SIMC1: variants seen among roughly 807,000 people sequenced by gnomAD.
SIMC1 encodes the protein SUMO interacting motifs containing 1.
In SIMC1, 55 loss-of-function variants were observed where a neutral mutation model predicts 82.3. The ratio of observed to expected loss-of-function variants is 0.67; its 90% confidence interval spans 0.54 to 0.84. SIMC1 has a LOEUF of 0.84. Ranked by LOEUF, SIMC1 falls within the 40% of genes least tolerant of loss-of-function variation. The pLI is 0.00. For missense variants in SIMC1, 915 were observed against 1,107.2 expected, an observed-to-expected ratio of 0.83 and a Z score of 2.46; for synonymous variants, 353 against 426.3, an observed-to-expected ratio of 0.83 and a Z score of 2.12.
At chr5:176,345,117 T>G in intron 9 of SIMC1, 66 bp from the exon 10 acceptor site, 1 of 1,545,412 alleles carries the variant, frequency 6.5e-7, no homozygotes, top group South Asian at 1.3e-5. Flanking sequence ...CCTACCAAAA[T>G]TAGACTTCTT....
At chr5:176,266,431 T>C (rs979783451) in intron 1 of SIMC1, among the ~76,000 whole-genome samples, 4 of 152,108 alleles carry the variant, frequency 2.6e-5, no homozygotes, top group African/African-American at 7.3e-5. Flanking sequence ...CCCCCGCCCC[T>C]GCCTCAAGAG....
intron 1 of SIMC1, among the ~76,000 whole-genome samples, chr5:176,262,664 G>A (rs1762057898): frequency 6.6e-6 from 1 of 152,154 alleles, no homozygotes; most frequent in Non-Finnish European, 1.5e-5. Flanking sequence ...AATCAGCCAG[G>A]CATGGTGGTG....
Position 176,304,795 on chromosome 5 carries a change from G to A in SIMC1, c.1734+8475G>A, listed in dbSNP as rs533882737. On this transcript the variant is annotated intron_variant, in intron 4 of 9. Coordinates refer to ENST00000429602, the MANE Select transcript of SIMC1 (RefSeq NM_001308195.2). Reference sequence around the variant, plus strand: ...TAGGAAGTGAGGAGCGTCTCTGCCCGGCTGCCCATTGTCTGAGATGTGGGG... The same window carrying A: ...TAGGAAGTGAGGAGCGTCTCTGCCCAGCTGCCCATTGTCTGAGATGTGGGG... Among the ~76,000 whole-genome samples the A allele has an allele frequency of 7.4e-3, 1,113 of 151,274 alleles. 16 individuals carry two copies. The highest frequency in any genetic ancestry group is 0.025 in the African/African-American group (1,030 of 41,148).
chr5:176,257,883 A>G (rs1278122218), intron 1 of SIMC1, among the ~76,000 whole-genome samples: 1 of 152,168 alleles, frequency 6.6e-6, no homozygotes, highest in Non-Finnish European at 1.5e-5. Flanking sequence ...TCTACCCGCT[A>G]GATGCCTGCC....
At chr5:176,296,584 G>A in intron 4 of SIMC1, 1 of 477,238 alleles carries the variant, frequency 2.1e-6, no homozygotes, top group Middle Eastern at 6.1e-4. Context: ...CAGGAGGATT[G>A]CTTGAGCCTA....
chr5:176,269,771 C>T lies in SIMC1; in HGVS notation c.130-19883C>T, dbSNP rs543211918. ...CAAATTTTTTTTTTCTGAGAGATGACGCCTCACTCTATTGCCCAGGCTGGA... is the reference window on the plus strand; with the variant it reads ...CAAATTTTTTTTTTCTGAGAGATGATGCCTCACTCTATTGCCCAGGCTGGA... On this transcript the variant is annotated intron_variant, in intron 1 of 9. Transcript: ENST00000429602. 9.2e-5 allele frequency among the ~76,000 whole-genome samples: 14 copies of T among 151,902 alleles called. No individual in the cohort carries two copies. The East Asian group carries it at 1.7e-3, about 19-fold the overall frequency.
rs1561716746 is a variant in SIMC1, at chr5:176,313,298, T to C, written c.1735-393T>C. 2.0e-5 allele frequency: 29 copies of C among 1,444,292 alleles called. No individual in the cohort carries two copies. The East Asian group carries it at 2.8e-4, about 14-fold the overall frequency. 89.5% of individuals were successfully genotyped at this position (1,444,292 alleles called of 1,614,324 possible). ...AGTTTTGGGTATATCCTGAGGTTGA[T>C]AGGTTCAGTGAGAGGGAGAGATTGA... is the stretch of plus-strand genomic sequence containing the variant. On this transcript the variant is annotated intron_variant, in intron 4 of 9. Transcript: ENST00000429602.
intron 7 of SIMC1, 64 bp downstream of exon 7, chr5:176,324,821 A>G (rs1765308049): frequency 6.8e-7 from 1 of 1,480,366 alleles, no homozygotes; most frequent in Non-Finnish European, 9.0e-7. Context: ...ACTCTTGGAA[A>G]TCATTTTTAT....
chr5:176,309,042 A>C (rs1027882520), intron 4 of SIMC1: 19 of 765,714 alleles, frequency 2.5e-5, no homozygotes, highest in Non-Finnish European at 4.0e-5. Flanking sequence ...GAAAGATGAA[A>C]ATATCCAGTG....
At chr5:176,293,922 A>G (rs1763691028) in intron 2 of SIMC1, among the ~76,000 whole-genome samples, 1 of 152,202 alleles carries the variant, frequency 6.6e-6, no homozygotes, top group Non-Finnish European at 1.5e-5. Flanking sequence ...CACATAATAG[A>G]AAATCACTTT....
chr5:176,324,310 AGAT>A (rs1291297103), intron 6 of SIMC1, among the ~76,000 whole-genome samples: 7 of 152,360 alleles, frequency 4.6e-5, no homozygotes, highest in South Asian at 4.1e-4. Context: ...GTTATAGATT[AGAT>A]GATCCTTATA....
intron 1 of SIMC1, among the ~76,000 whole-genome samples, chr5:176,277,574 AG>A (rs1424736690): frequency 1.3e-5 from 2 of 151,832 alleles, no homozygotes; most frequent in Non-Finnish European, 2.9e-5. Flanking sequence ...GGGTTTTTAT[AG>A]TTTTAGGTCT....
intron 9 of SIMC1, among the ~76,000 whole-genome samples, chr5:176,341,713 A>G (rs1766155433): frequency 6.6e-6 from 1 of 152,168 alleles, no homozygotes; most frequent in South Asian, 2.1e-4. Context: ...GAAGATGAAG[A>G]GCTCAGGTTT....
At position 176,336,758 on chromosome 5, in the gene SIMC1, G is replaced by A. The variant is rs760903170; in HGVS notation, c.2210G>A (p.Arg737His). 22 of 1,613,808 alleles carry A rather than the reference G, an allele frequency of 1.4e-5. No homozygotes were observed. The highest frequency in any genetic ancestry group is 2.2e-5 in the East Asian group (1 of 44,896). ...ACTACCATGGAAAGCCACCTTCTGC[G>A]CTGCAAAGTGTTAGAAATCATATTC... Reference protein sequence around the residue: ...FFTTMESHLLRCKVLEIIFLH... With the variant: ...FFTTMESHLLHCKVLEIIFLH... Residue 737 changes from arginine to histidine, a missense_variant, in exon 8 of 10, where the codon CGC becomes CAC. Physicochemically the swap from Arg to His is conservative, Grantham distance 29. Coordinates refer to ENST00000429602, the MANE Select transcript of SIMC1 (RefSeq NM_001308195.2).
rs993412910 is a variant in SIMC1, at chr5:176,255,063, G to C, written c.129+16426G>C. On this transcript the variant is annotated intron_variant, in intron 1 of 9. Transcript: ENST00000429602. Reference sequence around the variant, plus strand: ...AGGCCGAGGTGAGCAGATCACCTGAGGTCAGGGGTTCGAGACCAGCCTGGC... The same window carrying C: ...AGGCCGAGGTGAGCAGATCACCTGACGTCAGGGGTTCGAGACCAGCCTGGC... Among the ~76,000 whole-genome samples the C allele has an allele frequency of 2.4e-4, 36 of 151,772 alleles. 1 individual carries two copies. The highest frequency in any genetic ancestry group is 2.1e-3 in the Admixed American group (32 of 15,240).
intron 1 of SIMC1, among the ~76,000 whole-genome samples, chr5:176,275,971 A>G (rs1762672550): frequency 6.6e-6 from 1 of 151,684 alleles, no homozygotes; most frequent in African/African-American, 2.4e-5. Flanking sequence ...TGGTATCAGG[A>G]TGATGCTGGC....
intron 4 of SIMC1, chr5:176,308,796 G>T (rs1431020162): frequency 4.8e-6 from 6 of 1,257,980 alleles, no homozygotes; most frequent in Non-Finnish European, 7.0e-6. Flanking sequence ...GGAGGAGCAG[G>T]ATGCATATTG....
chr5:176,335,879 C>T (rs952722043), intron 7 of SIMC1, among the ~76,000 whole-genome samples: 1 of 151,572 alleles, frequency 6.6e-6, no homozygotes, highest in African/African-American at 2.4e-5. Flanking sequence ...CGCATCTCTA[C>T]AAAAAAAATA....
intron 4 of SIMC1, among the ~76,000 whole-genome samples, chr5:176,305,469 C>T (rs1163025588): frequency 5.1e-5 from 4 of 77,992 alleles, no homozygotes; most frequent in African/African-American, 1.1e-4. Context: ...TCTGCCCGGC[C>T]GCCCCTACTG....
Sources: gnomAD v4.1 joint callset for allele counts (sites outside exome capture counted in the v4.1 genomes callset) on GRCh38, gnomAD v4.1.1 for gene constraint, MANE v1.5 for transcripts, NCBI Gene and HGNC (gene_info 2026-07-23, HGNC 2026-07-21) for gene names.